DMD: variants seen among roughly 807,000 people sequenced by gnomAD.
The protein encoded by DMD is mutant dystrophin.
DMD carries 63 observed loss-of-function variants against 330.1 expected under a neutral mutation model. The ratio of observed to expected loss-of-function variants is 0.19; its 90% CI spans 0.16 to 0.24. The LOEUF is 0.24. Among genes scored for constraint, DMD ranks in the 10% least tolerant of loss-of-function variants. The pLI, the probability that DMD is intolerant of heterozygous loss-of-function variation, is 1.00. For synonymous variants in DMD, 1,223 were observed against 959.8 expected (o/e 1.27, Z -5.07); for missense variants, 3,344 against 2,684.1 (o/e 1.25, Z -5.43).
intron 10 of DMD, 27 bp from the exon 11 acceptor site, chrX:32,644,340 TA>T (rs1434021009): frequency 8.4e-7 from 1 of 1,190,857 alleles, no homozygotes; most frequent in South Asian, 1.8e-5. Context: ...TTAACAATTG[TA>T]ATTAGAACTC....
intron 1 of DMD, among the ~76,000 whole-genome samples, chrX:33,201,490 T>A (rs1243360862): frequency 9.0e-6 from 1 of 110,789 alleles, no homozygotes; most frequent in Non-Finnish European, 1.9e-5. Context: ...TCGTACAGAG[T>A]GCACATTGCT....
At chrX:31,197,764 A>C (rs1189168207) in intron 67 of DMD, among the ~76,000 whole-genome samples, 1 of 111,713 alleles carries the variant, frequency 9.0e-6, no homozygotes, top group Non-Finnish European at 1.9e-5. Context: ...ACAAAATCGA[A>C]ACCACAAAAA....
At chrX:32,913,408 T>G (rs935387849) in intron 2 of DMD, among the ~76,000 whole-genome samples, 7 of 112,172 alleles carry the variant, frequency 6.2e-5, no homozygotes, top group Non-Finnish European at 1.3e-4. Flanking sequence ...TTAATCAAAA[T>G]TTATACTAAG....
chrX:32,486,034 C>A (rs1387415345), intron 20 of DMD, among the ~76,000 whole-genome samples: 1 of 110,231 alleles, frequency 9.1e-6, no homozygotes, highest in Non-Finnish European at 1.9e-5. Flanking sequence ...AGCCACCGCG[C>A]CCAGCCAATT....
At chrX:32,226,799 C>T (rs182209943) in intron 43 of DMD, among the ~76,000 whole-genome samples, 20 of 110,426 alleles carry the variant, frequency 1.8e-4, no homozygotes, top group Middle Eastern at 9.4e-3. Context: ...TTAGTATTAT[C>T]GATATTAATA....
chrX:33,095,896 G>C (rs1006170822), intron 1 of DMD, among the ~76,000 whole-genome samples: 13 of 107,918 alleles, frequency 1.2e-4, no homozygotes, highest in African/African-American at 3.7e-4. Flanking sequence ...AAACCTGTAA[G>C]CTATTTTAAC....
intron 1 of DMD, among the ~76,000 whole-genome samples, chrX:33,333,579 T>C (rs1168217845): frequency 1.8e-5 from 2 of 111,077 alleles, no homozygotes; most frequent in Admixed American, 1.9e-4. Flanking sequence ...GCAGAAATTA[T>C]ATCTTTCCCT....
intron 74 of DMD, among the ~76,000 whole-genome samples, chrX:31,155,158 T>C (rs1050792589): frequency 8.9e-5 from 10 of 112,421 alleles, no homozygotes; most frequent in African/African-American, 1.9e-4. Flanking sequence ...CTTTTAGCAA[T>C]GATTTATGAG....
chrX:32,585,023 T>C (rs12353603), intron 13 of DMD, among the ~76,000 whole-genome samples: 2,706 of 111,582 alleles, frequency 0.024, 79 homozygotes, highest in African/African-American at 0.082. Flanking sequence ...TAAAAAGGAA[T>C]GAAATATAGC....
chrX:32,833,022 T>C (rs2079281796), intron 4 of DMD, among the ~76,000 whole-genome samples: 1 of 111,901 alleles, frequency 8.9e-6, no homozygotes, highest in African/African-American at 3.2e-5. Flanking sequence ...AAAGATACTA[T>C]CTCTACCTTC....
At chrX:32,496,050 G>T (rs1198931582) in intron 19 of DMD, among the ~76,000 whole-genome samples, 1 of 111,735 alleles carries the variant, frequency 8.9e-6, no homozygotes, top group Non-Finnish European at 1.9e-5. Flanking sequence ...TACTTGAAGT[G>T]TATCCATTAA....
intron 36 of DMD, among the ~76,000 whole-genome samples, chrX:32,363,176 T>A (rs941460101): frequency 8.9e-6 from 1 of 111,784 alleles, no homozygotes; most frequent in Admixed American, 9.5e-5. Context: ...ATGCGTGTGA[T>A]TTCAGAAAAA....
chrX:32,066,530 A>G (rs1323176345), intron 44 of DMD, among the ~76,000 whole-genome samples: 1 of 111,206 alleles, frequency 9.0e-6, no homozygotes, highest in African/African-American at 3.3e-5. Context: ...TGACATGTTG[A>G]TTATATTGTA....
At position 32,411,792 on chromosome X, in the gene DMD, G is replaced by T; in HGVS notation, c.4193C>A (p.Ala1398Glu). 1 of 1,211,283 alleles carries T rather than the reference G, an allele frequency of 8.3e-7. No individual in the cohort carries two copies. The highest frequency in any genetic ancestry group is 1.1e-6 in the Non-Finnish European group (1 of 895,264). Residue 1398 changes from alanine (A) to glutamate (E), a missense_variant, in exon 30 of 79, where the codon GCA becomes GAA. Coordinates refer to ENST00000357033, the MANE Select transcript of DMD (RefSeq NM_004006.3). ...FIDKQLAAYI[A>E]DKVDAAQMPQ... is the part of the protein sequence containing the mutation. ...CATTTGAGCTGCGTCCACCTTGTCT[G>T]CAATATAAGCTGCCAACTGCTTGTC...
At chrX:32,719,812 C>A (rs1388882408) in intron 7 of DMD, among the ~76,000 whole-genome samples, 1 of 109,855 alleles carries the variant, frequency 9.1e-6, no homozygotes, top group Non-Finnish European at 1.9e-5. Flanking sequence ...AGTTATTTCC[C>A]AGAATACCTC....
At position 32,464,631 on chromosome X, in the gene DMD, G is replaced by T. The variant is rs769402316; in HGVS notation, c.3231C>A (p.Ala1077=). The T allele has an allele frequency of 8.3e-6, 10 of 1,208,578 alleles. No individual in the cohort carries two copies. Among genetic ancestry groups the T allele is most frequent in the Middle Eastern group, 2.3e-4 (1 of 4,350 alleles). The change falls in exon 24 of 79, where the codon GCC becomes GCA. Residue 1077 remains alanine, a synonymous_variant. Coordinates refer to ENST00000357033, the MANE Select transcript of DMD (RefSeq NM_004006.3). ...TTTTTAGAATTTCTGAATCCCCAAG[G>T]GCAGGCCATTCCTCCTTCAGAAAAA... ...VDVFLKEEWP[A]LGDSEILKKQ... is the part of the protein sequence containing the mutation.
intron 1 of DMD, among the ~76,000 whole-genome samples, chrX:33,210,387 A>T (rs781687872): frequency 9.0e-6 from 1 of 111,336 alleles, no homozygotes; most frequent in East Asian, 2.8e-4. Flanking sequence ...TTCGGGACAC[A>T]CAGTCCTTAT....
intron 11 of DMD, among the ~76,000 whole-genome samples, chrX:32,640,118 A>G (rs908969005): frequency 9.2e-6 from 1 of 109,209 alleles, no homozygotes; most frequent in African/African-American, 3.3e-5. Context: ...ATAAAATTAT[A>G]TAATACTTCA....
At chrX:33,176,228 T>A (rs2049640261) in intron 1 of DMD, among the ~76,000 whole-genome samples, 1 of 111,467 alleles carries the variant, frequency 9.0e-6, no homozygotes, top group African/African-American at 3.3e-5. Context: ...TAGTCTAGTT[T>A]TGCATGAATC....
Sources: gnomAD v4.1 joint callset for allele counts (sites outside exome capture counted in the v4.1 genomes callset) on GRCh38, gnomAD v4.1.1 for gene constraint, MANE v1.5 for transcripts, NCBI Gene and HGNC (gene_info 2026-07-23, HGNC 2026-07-21) for gene names.